Variants in DRC9 observed in about 807,000 individuals in gnomAD.
DRC9 encodes the protein dynein regulatory complex subunit 9.
the DRC9 span, chr3:197,956,555 T>A: frequency 6.6e-6 from 1 of 152,028 alleles, no homozygotes. Flanking sequence ...TAAGCAGGCC[T>A]CCTAAATATT....
the DRC9 span, chr3:197,951,527 A>G: frequency 1.3e-5 from 7 of 539,098 alleles, no homozygotes; most frequent in African/African-American, 1.9e-5. Context: ...TAGTTTTTGT[A>G]TTATTAGTAG....
chr3:197,960,023 T>C, the DRC9 span: 4 of 579,786 alleles, frequency 6.9e-6, no homozygotes, highest in Non-Finnish European at 9.2e-6. Flanking sequence ...CCCACTCACG[T>C]GGGCCTCCAA....
the DRC9 span, among the ~76,000 whole-genome samples, chr3:197,922,346 C>G: frequency 6.6e-6 from 1 of 152,130 alleles, no homozygotes; most frequent in African/African-American, 2.4e-5. Context: ...TGGGAGTTAA[C>G]TGGCAAAGTG....
chr3:197,915,238 T>A, the DRC9 span, among the ~76,000 whole-genome samples: 2 of 9,540 alleles, frequency 2.1e-4, no homozygotes, highest in Non-Finnish European at 1.7e-4. Context: ...TTAAGGGAAC[T>A]CTAAAAAAAA....
At chr3:197,932,232 G>A in the DRC9 span, 1 of 1,613,482 alleles carries the variant, frequency 6.2e-7, no homozygotes, top group Non-Finnish European at 8.5e-7. Context: ...AAAGCTTGCA[G>A]GAGACTGTTG....
chr3:197,943,667 AAGAG>A, the DRC9 span: 3 of 963,466 alleles, frequency 3.1e-6, no homozygotes, highest in East Asian at 2.5e-5. Flanking sequence ...CAAAGAAGGA[AAGAG>A]AGAGAGAGAA....
chr3:197,913,565 G>A, the DRC9 span: 4 of 496,974 alleles, frequency 8.0e-6, no homozygotes, highest in South Asian at 4.5e-5. Flanking sequence ...TAAGCACCTC[G>A]TTTTGCCCTC....
chr3:197,951,483 G>T, the DRC9 span: 2 of 691,570 alleles, frequency 2.9e-6, no homozygotes. Context: ...CTCCCGAGTA[G>T]CTGGGATTAC....
chr3:197,945,537 A>G, the DRC9 span: 1 of 855,184 alleles, frequency 1.2e-6, no homozygotes, highest in Non-Finnish European at 1.9e-6. Flanking sequence ...GTTACGCAGC[A>G]ATAGATAAGG....
At chr3:197,942,385 C>CAA in the DRC9 span, among the ~76,000 whole-genome samples, 715 of 17,076 alleles carry the variant, frequency 0.042, 208 homozygotes, top group South Asian at 0.087. Context: ...CTCCGTCTCA[C>CAA]AAAAAAAAAA....
At chr3:197,942,010 T>C in the DRC9 span, among the ~76,000 whole-genome samples, 1 of 152,150 alleles carries the variant, frequency 6.6e-6, no homozygotes, top group African/African-American at 2.4e-5. Flanking sequence ...GGAAGTTAAC[T>C]TACATTATAC....
the DRC9 span, chr3:197,954,296 T>G: frequency 6.3e-6 from 5 of 788,412 alleles, no homozygotes; most frequent in Non-Finnish European, 6.5e-6. Context: ...ACTGGAGAGA[T>G]AGTAATTGAA....
chr3:197,929,815 A>C, the DRC9 span, among the ~76,000 whole-genome samples: 6 of 151,958 alleles, frequency 3.9e-5, no homozygotes, highest in Non-Finnish European at 5.9e-5. This position sits in a 1 kb window ranked among gnomAD's most constrained non-coding sequence, Gnocchi z 4.6. Context: ...ACAAAACAGA[A>C]AAACAGAAGG....
At chr3:197,921,138 A>C in the DRC9 span, among the ~76,000 whole-genome samples, 2 of 131,886 alleles carry the variant, frequency 1.5e-5, no homozygotes, top group Admixed American at 1.5e-4. Flanking sequence ...ACTGGTTTTC[A>C]GTAACTCCGG....
the DRC9 span, among the ~76,000 whole-genome samples, chr3:197,934,759 G>A: frequency 6.6e-6 from 1 of 151,086 alleles, no homozygotes; most frequent in Non-Finnish European, 1.5e-5. Flanking sequence ...CTTGAGTCCA[G>A]GATTTCAAGA....
At chr3:197,943,843 CTG>C in the DRC9 span, 3 of 1,614,132 alleles carry the variant, frequency 1.9e-6, no homozygotes, top group Non-Finnish European at 2.5e-6. Context: ...GAGAGCTGGT[CTG>C]TGGTGTCCTC....
the DRC9 span, chr3:197,889,566 A>G: frequency 1.9e-6 from 3 of 1,614,028 alleles, no homozygotes; most frequent in South Asian, 1.1e-5. Flanking sequence ...CAGAAAACAC[A>G]AAAGAGAACT....
At chr3:197,889,285 T>C in the DRC9 span, 1 of 373,482 alleles carries the variant, frequency 2.7e-6, no homozygotes, top group East Asian at 4.6e-5. Context: ...GTGAACTCCT[T>C]TGTTCTGCTG....
chr3:197,947,364 G>A, the DRC9 span, among the ~76,000 whole-genome samples: 3 of 152,028 alleles, frequency 2.0e-5, no homozygotes, highest in African/African-American at 4.8e-5. Flanking sequence ...ATGGTTTCCC[G>A]TTGCCTTAGG....
Sources: allele counts gnomAD v4.1 joint callset (sites outside exome capture counted in the v4.1 genomes callset), GRCh38; gene constraint gnomAD v4.1.1; non-coding constraint Gnocchi (gnomAD v3.1); transcripts MANE v1.5; gene names NCBI Gene and HGNC (gene_info 2026-07-23, HGNC 2026-07-21).